LARS2: variants seen among roughly 807,000 people sequenced by gnomAD.
LARS2 encodes leucine--tRNA ligase, mitochondrial.
In LARS2, 81 loss-of-function variants were observed where a neutral mutation model predicts 116.6. The observed-to-expected ratio is 0.69, with a 90% CI of 0.58 to 0.84. LARS2 has a LOEUF of 0.84. Ranked by LOEUF, LARS2 falls within the 40% of genes least tolerant of loss-of-function variation. LARS2 has a pLI of 0.00. For missense variants in LARS2, 968 were observed against 1,114.5 expected (o/e 0.87, Z 1.87); for synonymous variants, 396 against 407.2 (o/e 0.97, Z 0.33).
chr3:45,407,398 G>C (rs1331464628), intron 4 of LARS2, among the ~76,000 whole-genome samples: 1 of 152,156 alleles, frequency 6.6e-6, no homozygotes, highest in Non-Finnish European at 1.5e-5. Context: ...GATCTCCTTC[G>C]AAGGAGAGAA....
chr3:45,535,839 A>T (rs548478486), intron 20 of LARS2, among the ~76,000 whole-genome samples: 1 of 152,160 alleles, frequency 6.6e-6, no homozygotes, highest in Admixed American at 6.5e-5. Flanking sequence ...GATTGCATTC[A>T]TGTCAACTTC....
chr3:45,406,498 A>T (rs1451936333), intron 4 of LARS2, among the ~76,000 whole-genome samples: 3 of 152,134 alleles, frequency 2.0e-5, no homozygotes, highest in Admixed American at 2.0e-4. Flanking sequence ...AGAAAACTAA[A>T]GGTCACAAGC....
In LARS2 at chr3:45,446,905, T is replaced by G. The variant is rs756695666; in HGVS notation, c.531T>G (p.Cys177Trp). ...TTTGTTGGCAGGAAATAACTACGTGTTTGCCAGATTACTACAAGTGGACTC... is the reference window on the plus strand; with the variant it reads ...TTTGTTGGCAGGAAATAACTACGTGGTTGCCAGATTACTACAAGTGGACTC... ...CFSWDREITTCLPDYYKWTQY... is the reference protein window; with the variant it reads ...CFSWDREITTWLPDYYKWTQY... The change falls in exon 7 of 22, where the codon TGT becomes TGG. Residue 177 changes from cysteine to tryptophan, a missense_variant. Coordinates refer to ENST00000645846, the MANE Select transcript of LARS2 (RefSeq NM_015340.4). The G allele has an allele frequency of 1.2e-6, 2 of 1,609,106 alleles. No homozygotes were observed. The highest frequency in any genetic ancestry group is 1.7e-6 in the Non-Finnish European group (2 of 1,175,942).
At chr3:45,431,633 C>G (rs146542451) in intron 6 of LARS2, among the ~76,000 whole-genome samples, 1 of 147,912 alleles carries the variant, frequency 6.8e-6, no homozygotes, top group African/African-American at 2.5e-5. Flanking sequence ...ATATAATCCC[C>G]ATGGTAACCA....
intron 13 of LARS2, 43 bp downstream of exon 13, chr3:45,491,843 C>T (rs1699922288): frequency 6.4e-7 from 1 of 1,574,616 alleles, no homozygotes; most frequent in African/African-American, 1.3e-5. Context: ...GCCTATGGCC[C>T]CATACCTGCT....
chr3:45,406,483 T>A (rs1698233730), intron 4 of LARS2, among the ~76,000 whole-genome samples: 1 of 151,892 alleles, frequency 6.6e-6, no homozygotes, highest in African/African-American at 2.4e-5. Context: ...CCCATTGAAA[T>A]GAGAAGAAAA....
intron 6 of LARS2, among the ~76,000 whole-genome samples, chr3:45,430,751 AT>A (rs1400960813): frequency 6.8e-6 from 1 of 146,454 alleles, no homozygotes; most frequent in African/African-American, 2.5e-5. Context: ...CGCCGGACTA[AT>A]TTTTTTGTAT....
chr3:45,462,168 C>T (rs1699336663), intron 8 of LARS2, among the ~76,000 whole-genome samples: 1 of 152,132 alleles, frequency 6.6e-6, no homozygotes, highest in African/African-American at 2.4e-5. Flanking sequence ...TAACAGGCTG[C>T]CAAGACTGAA....
At chr3:45,495,144 G>A (rs992580001) in intron 13 of LARS2, 1 of 152,246 alleles carries the variant, frequency 6.6e-6, no homozygotes, top group Non-Finnish European at 1.5e-5. Context: ...CCCTAGGACA[G>A]GGATTCCTTT....
chr3:45,484,630 A>T (rs574723152), intron 10 of LARS2, among the ~76,000 whole-genome samples: 1,721 of 9,378 alleles, frequency 0.18, 205 homozygotes, highest in Admixed American at 0.2. Context: ...AAAAAAAAAA[A>T]ATATATATAT....
intron 7 of LARS2, 34 bp from the exon 8 acceptor site, chr3:45,458,709 C>T: frequency 6.2e-7 from 1 of 1,611,808 alleles, no homozygotes; most frequent in East Asian, 2.2e-5. Flanking sequence ...GAGTACTCAC[C>T]AGATTGTGCC....
At chr3:45,545,437 C>T (rs1421071006) in intron 21 of LARS2, among the ~76,000 whole-genome samples, 4 of 152,230 alleles carry the variant, frequency 2.6e-5, no homozygotes, top group Non-Finnish European at 4.4e-5. Flanking sequence ...GTGCTTCTTC[C>T]TCTTTGGGCC....
intron 16 of LARS2, among the ~76,000 whole-genome samples, chr3:45,513,622 A>G (rs983071637): frequency 1.9e-4 from 29 of 152,038 alleles, no homozygotes; most frequent in African/African-American, 7.0e-4. Context: ...GTTTCTCCCA[A>G]CATGTTCTAG....
At chr3:45,514,336 C>T (rs1038048979) in intron 16 of LARS2, among the ~76,000 whole-genome samples, 26 of 152,176 alleles carry the variant, frequency 1.7e-4, no homozygotes, top group African/African-American at 4.3e-4. Context: ...TTAGGTCACA[C>T]GACAACCCTG....
chr3:45,423,332 A>G (rs1382283315), intron 6 of LARS2, among the ~76,000 whole-genome samples: 1 of 152,024 alleles, frequency 6.6e-6, no homozygotes, highest in East Asian at 1.9e-4. Flanking sequence ...TTTGTTTTTT[A>G]GACAGGGTCT....
At chr3:45,467,470 TAA>T (rs1332277540) in intron 8 of LARS2, among the ~76,000 whole-genome samples, 1 of 152,208 alleles carries the variant, frequency 6.6e-6, no homozygotes, top group Non-Finnish European at 1.5e-5. Context: ...TCTGTAGTTT[TAA>T]AAGAGTATAT....
chr3:45,452,515 C>T (rs1490360047), intron 7 of LARS2, among the ~76,000 whole-genome samples: 1 of 152,072 alleles, frequency 6.6e-6, no homozygotes, highest in South Asian at 2.1e-4. Context: ...GTTGAACCAT[C>T]CTTGCATCCC....
chr3:45,450,579 C>T (rs1699109681), intron 7 of LARS2, among the ~76,000 whole-genome samples: 1 of 152,076 alleles, frequency 6.6e-6, no homozygotes, highest in Non-Finnish European at 1.5e-5. Context: ...AATAATATTC[C>T]ATAGTGTGTA....
chr3:45,397,320 G>A (rs1698064130), intron 3 of LARS2, among the ~76,000 whole-genome samples: 1 of 152,098 alleles, frequency 6.6e-6, no homozygotes, highest in African/African-American at 2.4e-5. Context: ...CTTAATTCAT[G>A]CAGAAAAGCA....
Sources: allele counts gnomAD v4.1 joint callset (sites outside exome capture counted in the v4.1 genomes callset), GRCh38; gene constraint gnomAD v4.1.1; transcripts MANE v1.5; gene names NCBI Gene and HGNC (gene_info 2026-07-23, HGNC 2026-07-21).